The following LIN7A variants were observed in gnomAD, a reference collection of about 807,000 sequenced individuals.
The protein encoded by LIN7A is protein lin-7 homolog A.
Under a neutral mutation model 29.8 loss-of-function variants are expected in LIN7A, and 25 were observed. The ratio of observed to expected loss-of-function variants is 0.84; its 90% CI spans 0.61 to 1.17. LIN7A has a LOEUF of 1.17. Among genes scored for constraint, LIN7A ranks in the 50% most tolerant of loss-of-function variants. The pLI, the probability that LIN7A is intolerant of heterozygous loss-of-function variation, is 0.00. For synonymous variants in LIN7A, 118 were observed against 107.5 expected (o/e 1.10, Z -0.60); for missense variants, 239 against 287.0 (o/e 0.83, Z 1.21).
chr12:80,886,478 CAATAAG>C (rs1388932313), intron 2 of LIN7A, among the ~76,000 whole-genome samples: 3 of 111,718 alleles, frequency 2.7e-5, no homozygotes, highest in Non-Finnish European at 6.7e-5. Flanking sequence ...TAAATCAACA[CAATAAG>C]AATAATAAAG....
intron 1 of LIN7A, among the ~76,000 whole-genome samples, chr12:80,917,579 T>G (rs1003994000): frequency 1.3e-5 from 2 of 152,204 alleles, no homozygotes; most frequent in East Asian, 3.8e-4. Context: ...GATGCCATTT[T>G]ATTTGTAAAA....
At chr12:80,889,513 G>C in intron 1 of LIN7A, 144 bp from the exon 2 acceptor site, 1 of 595,032 alleles carries the variant, frequency 1.7e-6, no homozygotes. Flanking sequence ...ATAGCTTTTT[G>C]GTCTCATCTT....
At chr12:80,908,704 G>T (rs1200676273) in intron 1 of LIN7A, among the ~76,000 whole-genome samples, 1 of 151,974 alleles carries the variant, frequency 6.6e-6, no homozygotes, top group Non-Finnish European at 1.5e-5. Flanking sequence ...AATGATCTCA[G>T]TGTAGTTTCA....
chr12:80,904,885 G>C (rs932816210), intron 1 of LIN7A, among the ~76,000 whole-genome samples: 4 of 151,950 alleles, frequency 2.6e-5, no homozygotes, highest in African/African-American at 9.7e-5. Flanking sequence ...ATGAAACAAA[G>C]CTTGTGTACA....
chr12:80,899,771 T>C (rs1411850907), intron 1 of LIN7A, among the ~76,000 whole-genome samples: 51 of 118,604 alleles, frequency 4.3e-4, no homozygotes, highest in African/African-American at 1.3e-3. Flanking sequence ...TTTTCTTTTC[T>C]TTTTTTTTTT....
intron 1 of LIN7A, among the ~76,000 whole-genome samples, chr12:80,915,903 G>T (rs12815850): frequency 5.9e-5 from 9 of 152,162 alleles, no homozygotes; most frequent in Non-Finnish European, 1.2e-4. Flanking sequence ...AGAGGGGCAA[G>T]AATTGAGACT....
chr12:80,833,582 C>G (rs1056222232), intron 4 of LIN7A, among the ~76,000 whole-genome samples: 4 of 152,174 alleles, frequency 2.6e-5, no homozygotes, highest in Non-Finnish European at 5.9e-5. Flanking sequence ...TTTCCTACCA[C>G]TTTCAAATGT....
intron 1 of LIN7A, chr12:80,935,882 C>A: frequency 2.4e-6 from 1 of 422,532 alleles, no homozygotes; most frequent in Non-Finnish European, 5.3e-6. Context: ...CTCTCATCAA[C>A]CGACTGAGGC....
chr12:80,833,846 T>C (rs1377132449), intron 4 of LIN7A, among the ~76,000 whole-genome samples: 1 of 152,198 alleles, frequency 6.6e-6, no homozygotes, highest in Non-Finnish European at 1.5e-5. Flanking sequence ...TTTGCTTGTT[T>C]TTAAATTCTG....
chr12:80,916,355 C>T (rs1056572609), intron 1 of LIN7A, among the ~76,000 whole-genome samples: 4 of 152,126 alleles, frequency 2.6e-5, no homozygotes, highest in African/African-American at 7.2e-5. Context: ...CTCTCTTTCT[C>T]TTTCTCTCTC....
intron 1 of LIN7A, among the ~76,000 whole-genome samples, chr12:80,927,298 A>G (rs1253125744): frequency 6.6e-6 from 1 of 150,986 alleles, no homozygotes; most frequent in African/African-American, 2.4e-5. Flanking sequence ...AGTAGCTGGG[A>G]CTACAGGCGC....
intron 1 of LIN7A, among the ~76,000 whole-genome samples, chr12:80,891,595 C>A (rs2120664235): frequency 6.6e-6 from 1 of 152,314 alleles, no homozygotes; most frequent in Admixed American, 6.5e-5. Flanking sequence ...GCCCCTTTCT[C>A]TTGCTTTCAC....
At chr12:80,928,032 T>C (rs1479643894) in intron 1 of LIN7A, among the ~76,000 whole-genome samples, 1 of 152,164 alleles carries the variant, frequency 6.6e-6, no homozygotes, top group Non-Finnish European at 1.5e-5. Context: ...GCAAAGGACA[T>C]CAACTCATCC....
At chr12:80,900,877 A>T (rs548925283) in intron 1 of LIN7A, among the ~76,000 whole-genome samples, 1 of 152,346 alleles carries the variant, frequency 6.6e-6, no homozygotes, top group South Asian at 2.1e-4. Context: ...GGATTTAAGG[A>T]ACTGGACTCC....
intron 2 of LIN7A, among the ~76,000 whole-genome samples, chr12:80,857,142 G>A (rs1033023739): frequency 2.6e-5 from 4 of 152,064 alleles, no homozygotes; most frequent in African/African-American, 9.7e-5. Flanking sequence ...CTTAGGTGGG[G>A]GTACCTGCTT....
At chr12:80,865,477 G>A (rs1249045444) in intron 2 of LIN7A, among the ~76,000 whole-genome samples, 1 of 152,134 alleles carries the variant, frequency 6.6e-6, no homozygotes, top group African/African-American at 2.4e-5. Flanking sequence ...ATGGAGAAGA[G>A]GGATGAGATT....
rs146007859 is a variant in LIN7A, at chr12:80,895,628, C to T, written c.83-6259G>A. On this transcript the variant is annotated intron_variant, in intron 1 of 5. Transcript: ENST00000552864. The stretch of plus-strand genomic sequence containing the variant: ...AATGCACTTCTTTTTCCAGACTCTA[C>T]TGCAATTTTGCCAAGTTGTTTTAAG... Among the ~76,000 whole-genome samples the T allele has an allele frequency of 2.3e-3, 354 of 152,356 alleles. 1 individual carries two copies. The highest frequency in any genetic ancestry group is 4.2e-3 in the Non-Finnish European group (289 of 68,042).
chr12:80,916,186 A>G (rs78704407), intron 1 of LIN7A, among the ~76,000 whole-genome samples: 7,724 of 152,120 alleles, frequency 0.051, 250 homozygotes, highest in Middle Eastern at 0.088. Context: ...CTGTCTGTCT[A>G]CTCTTTACAT....
At chr12:80,838,449 G>C (rs7138549) in intron 4 of LIN7A, among the ~76,000 whole-genome samples, 59,988 of 152,010 alleles carry the variant, frequency 0.39, 11,979 homozygotes, top group Non-Finnish European at 0.42. Flanking sequence ...GTAGAATACT[G>C]CCTTCTCAGT....
Sources: gnomAD v4.1 joint callset for allele counts (sites outside exome capture counted in the v4.1 genomes callset) on GRCh38, gnomAD v4.1.1 for gene constraint, MANE v1.5 for transcripts, NCBI Gene and HGNC (gene_info 2026-07-23, HGNC 2026-07-21) for gene names.